BTBD9: variants seen among roughly 807,000 people sequenced by gnomAD.
The protein encoded by BTBD9 is BTB/POZ domain-containing protein 9.
BTBD9 carries 49 observed loss-of-function variants against 64.3 expected under a neutral mutation model. The observed-to-expected ratio is 0.76, with a 90% CI of 0.61 to 0.97. The LOEUF is 0.97. Ranked by LOEUF, BTBD9 falls within the 50% of genes least tolerant of loss-of-function variation. The probability of loss-of-function intolerance (pLI) is 0.00; values close to 1 mark genes in which losing one functional copy is unlikely to be tolerated. For synonymous variants in BTBD9, 260 were observed against 274.7 expected (o/e 0.95, Z 0.53); for missense variants, 598 against 762.1 (o/e 0.78, Z 2.53).
intron 6 of BTBD9, among the ~76,000 whole-genome samples, chr6:38,564,704 T>C (rs751114979): frequency 1.8e-4 from 28 of 151,998 alleles, no homozygotes; most frequent in South Asian, 1.2e-3. Context: ...CTGGCTAACA[T>C]GGTGAAACCC....
intron 8 of BTBD9, among the ~76,000 whole-genome samples, chr6:38,258,299 TA>T (rs1257182606): frequency 1.3e-5 from 2 of 152,130 alleles, no homozygotes; most frequent in Non-Finnish European, 2.9e-5. Context: ...AAAATAATTT[TA>T]AAAAATAATC....
At chr6:38,409,944 T>C in intron 6 of BTBD9, among the ~76,000 whole-genome samples, 1 of 152,308 alleles carries the variant, frequency 6.6e-6, no homozygotes. Context: ...AACTAATTTA[T>C]CCAGTCAGTT....
At chr6:38,505,792 C>T (rs1228428846) in intron 6 of BTBD9, among the ~76,000 whole-genome samples, 9 of 151,224 alleles carry the variant, frequency 6.0e-5, no homozygotes, top group African/African-American at 1.7e-4. Context: ...TGGTGAAACC[C>T]CATCTCTACC....
At chr6:38,204,564 G>A (rs1240131520) in intron 9 of BTBD9, among the ~76,000 whole-genome samples, 1 of 152,112 alleles carries the variant, frequency 6.6e-6, no homozygotes, top group African/African-American at 2.4e-5. Context: ...GGGATTGGGA[G>A]GTGATGGCTA....
intron 6 of BTBD9, among the ~76,000 whole-genome samples, chr6:38,526,776 T>C (rs1281478044): frequency 6.6e-6 from 1 of 152,200 alleles, no homozygotes. Flanking sequence ...ATTTCTCCCA[T>C]TTGGAAGGGG....
intron 9 of BTBD9, among the ~76,000 whole-genome samples, chr6:38,226,938 G>C (rs190420959): frequency 7.9e-5 from 12 of 152,316 alleles, no homozygotes; most frequent in African/African-American, 2.9e-4. Context: ...GAGCAGCCTT[G>C]AATAAAACAA....
rs149870194 is a variant in BTBD9, at chr6:38,228,435, G to T, written c.1562+27974C>A. Among the ~76,000 whole-genome samples, 67 of 151,304 alleles carry T rather than the reference G, an allele frequency of 4.4e-4. 2 individuals are homozygous for T. In the East Asian group the frequency reaches 0.012, roughly 28 times the overall value. ...TTGGGTACTATGATGTGTCAGTGTA[G>T]GTTCATCAAATGCAACAAATGTACC... On this transcript the variant is annotated intron_variant, in intron 9 of 10. Coordinates refer to ENST00000481247, the MANE Select transcript of BTBD9 (RefSeq NM_001099272.2).
chr6:38,271,614 C>G (rs1052582704), intron 8 of BTBD9, among the ~76,000 whole-genome samples: 5 of 152,080 alleles, frequency 3.3e-5, no homozygotes, highest in African/African-American at 7.2e-5. Context: ...ACCACAGAGA[C>G]TGTATGGCCT....
chr6:38,282,739 C>T (rs1235489332), intron 8 of BTBD9, among the ~76,000 whole-genome samples: 1 of 152,210 alleles, frequency 6.6e-6, no homozygotes, highest in Non-Finnish European at 1.5e-5. Context: ...GCCGGTGATG[C>T]TCATCCCCAG....
intron 7 of BTBD9, among the ~76,000 whole-genome samples, chr6:38,328,562 ACC>A (rs1763529334): frequency 9.5e-6 from 1 of 105,222 alleles, no homozygotes; most frequent in Admixed American, 1.1e-4. Context: ...CATTTAAGCC[ACC>A]GTGTGTGTGT....
At chr6:38,472,823 C>T (rs766349948) in intron 6 of BTBD9, among the ~76,000 whole-genome samples, 8 of 152,194 alleles carry the variant, frequency 5.3e-5, no homozygotes, top group Admixed American at 1.3e-4. Context: ...GCATTACTCA[C>T]ATTTCACAGA....
At chr6:38,620,172 G>A (rs1004994325) in intron 1 of BTBD9, among the ~76,000 whole-genome samples, 5 of 152,168 alleles carry the variant, frequency 3.3e-5, no homozygotes, top group African/African-American at 9.7e-5. Context: ...TGCAATACCC[G>A]AATTCTAGGA....
chr6:38,555,570 T>A (rs1201793926), intron 6 of BTBD9, among the ~76,000 whole-genome samples: 1 of 152,210 alleles, frequency 6.6e-6, no homozygotes, highest in Admixed American at 6.5e-5. Flanking sequence ...TAAACAGTTG[T>A]TAGATATCTT....
chr6:38,387,995 T>G (rs1766252680), intron 6 of BTBD9, among the ~76,000 whole-genome samples: 1 of 152,210 alleles, frequency 6.6e-6, no homozygotes, highest in Admixed American at 6.5e-5. Context: ...CAATTCTACC[T>G]TCTCAGATAC....
At chr6:38,296,124 C>T (rs1015602311) in intron 7 of BTBD9, among the ~76,000 whole-genome samples, 1 of 152,132 alleles carries the variant, frequency 6.6e-6, no homozygotes, top group Non-Finnish European at 1.5e-5. Flanking sequence ...GTGCCTTTAC[C>T]ATGCTGTCTT....
chr6:38,573,526 C>G (rs1242657050), intron 6 of BTBD9, among the ~76,000 whole-genome samples: 2 of 152,134 alleles, frequency 1.3e-5, no homozygotes, highest in Non-Finnish European at 2.9e-5. Context: ...CTCTGACCAG[C>G]CCCTGAAGTA....
At chr6:38,304,592 A>G (rs1184249223) in intron 7 of BTBD9, among the ~76,000 whole-genome samples, 1 of 151,466 alleles carries the variant, frequency 6.6e-6, no homozygotes, top group Non-Finnish European at 1.5e-5. Context: ...AAAGAATACC[A>G]TCTCTCTTAA....
chr6:38,463,412 C>T lies in BTBD9; in HGVS notation c.1154+114188G>A, dbSNP rs75664994. 1.9e-3 allele frequency among the ~76,000 whole-genome samples: 287 copies of T among 152,316 alleles called. 3 individuals are homozygous for T. The highest frequency in any genetic ancestry group is 6.4e-3 in the African/African-American group (266 of 41,574). On this transcript the variant is annotated intron_variant, in intron 6 of 10. Coordinates refer to ENST00000481247, the MANE Select transcript of BTBD9 (RefSeq NM_001099272.2). ...GCATTAGCTAGAACTTCCAGTACAA[C>T]GCTAAATGGAAGACATGAAAGTGGA...
chr6:38,460,013 A>G (rs2127350619), intron 6 of BTBD9, among the ~76,000 whole-genome samples: 1 of 152,322 alleles, frequency 6.6e-6, no homozygotes, highest in Non-Finnish European at 1.5e-5. Context: ...CTAGCTTATG[A>G]TATAAATTTC....
Sources: gnomAD v4.1 joint callset for allele counts (sites outside exome capture counted in the v4.1 genomes callset) on GRCh38, gnomAD v4.1.1 for gene constraint, MANE v1.5 for transcripts, NCBI Gene and HGNC (gene_info 2026-07-23, HGNC 2026-07-21) for gene names.